Variants in HS2ST1 observed in about 807,000 individuals in gnomAD.
HS2ST1 encodes heparan sulfate 2-O-sulfotransferase 1.
HS2ST1 carries 18 observed loss-of-function variants against 42.9 expected under a neutral mutation model. The ratio of observed to expected loss-of-function variants is 0.42; its 90% CI spans 0.29 to 0.62. The LOEUF (loss-of-function observed/expected upper bound fraction) is 0.62. Ranked by LOEUF, HS2ST1 falls within the 20% of genes least tolerant of loss-of-function variation. The pLI, the probability that HS2ST1 is intolerant of heterozygous loss-of-function variation, is 0.21. For missense variants in HS2ST1, 334 were observed against 433.8 expected (o/e 0.77, Z 2.04); for synonymous variants, 146 against 152.9 (o/e 0.95, Z 0.33).
Position 87,017,678 on chromosome 1 carries a change from T to G in HS2ST1, c.125-55256T>G, listed in dbSNP as rs576921000. ...GTTATTTACATATTTGATGCTTTTTTATTTTTGATTTTTGATATATGTGTC... is the reference window on the plus strand; with the variant it reads ...GTTATTTACATATTTGATGCTTTTTGATTTTTGATTTTTGATATATGTGTC... On this transcript the variant is annotated intron_variant, in intron 1 of 6. Coordinates refer to ENST00000370550, the MANE Select transcript of HS2ST1 (RefSeq NM_012262.4). 1.1e-3 allele frequency among the ~76,000 whole-genome samples: 168 copies of G among 152,334 alleles called. 1 individual carries two copies. The highest frequency in any genetic ancestry group is 3.9e-3 in the African/African-American group (161 of 41,574).
intron 1 of HS2ST1, among the ~76,000 whole-genome samples, chr1:87,053,107 T>A (rs1570514973): frequency 6.6e-6 from 1 of 152,242 alleles, no homozygotes; most frequent in African/African-American, 2.4e-5. Flanking sequence ...AATTCTAATT[T>A]TCAACAGCTG....
At chr1:87,024,397 AG>A (rs1003435332) in intron 1 of HS2ST1, among the ~76,000 whole-genome samples, 1 of 151,460 alleles carries the variant, frequency 6.6e-6, no homozygotes, top group African/African-American at 2.4e-5. Flanking sequence ...GCTAATCAGG[AG>A]GCTGAGGCAG....
At chr1:87,045,841 C>T in intron 1 of HS2ST1, 2 of 739,648 alleles carry the variant, frequency 2.7e-6, no homozygotes, top group Non-Finnish European at 5.0e-6. Flanking sequence ...GCTCCATCCC[C>T]CTTTTCTGCT....
chr1:86,962,914 A>G (rs1647891950), intron 1 of HS2ST1, among the ~76,000 whole-genome samples: 1 of 152,132 alleles, frequency 6.6e-6, no homozygotes, highest in African/African-American at 2.4e-5. Flanking sequence ...AAAATAATTG[A>G]TTTCTTCAAT....
intron 1 of HS2ST1, among the ~76,000 whole-genome samples, chr1:87,069,983 CA>C (rs533142315): frequency 8.5e-5 from 13 of 152,072 alleles, no homozygotes; most frequent in Admixed American, 7.9e-4. Flanking sequence ...TGAAATAACA[CA>C]AAAAATCTTT....
chr1:86,973,273 C>A (rs1157998707), intron 1 of HS2ST1, among the ~76,000 whole-genome samples: 1 of 149,416 alleles, frequency 6.7e-6, no homozygotes, highest in Non-Finnish European at 1.5e-5. Flanking sequence ...ATTTATCATT[C>A]AAAATCAATC....
intron 1 of HS2ST1, among the ~76,000 whole-genome samples, chr1:87,032,146 T>A (rs1650254648): frequency 6.6e-6 from 1 of 152,214 alleles, no homozygotes; most frequent in Non-Finnish European, 1.5e-5. Flanking sequence ...TATCAGTTAA[T>A]CAGTAAACAC....
intron 1 of HS2ST1, among the ~76,000 whole-genome samples, chr1:87,036,008 T>G (rs1416243733): frequency 6.6e-6 from 1 of 151,218 alleles, no homozygotes; most frequent in African/African-American, 2.4e-5. Flanking sequence ...ATGTGTGATG[T>G]TCCCCTCCCT....
chr1:87,050,722 G>A (rs935855763), intron 1 of HS2ST1, among the ~76,000 whole-genome samples: 3 of 152,082 alleles, frequency 2.0e-5, no homozygotes, highest in African/African-American at 7.2e-5. Flanking sequence ...TTAAGGTAAT[G>A]TAACTTTCCA....
chr1:87,103,522 T>G lies in HS2ST1; in HGVS notation c.777T>G (p.Asp259Glu), dbSNP rs749508218. The change falls in exon 6 of 7, where the codon GAT becomes GAG. Residue 259 changes from aspartate to glutamate, a missense_variant. Transcript: ENST00000370550. ...FLVGVTEELE[D>E]FIMLLEAALP... ...TGGGAGTTACTGAAGAACTTGAAGA[T>G]TTTATCATGTTATTGGAGGCAGCAT... The G allele has an allele frequency of 8.7e-6, 14 of 1,612,580 alleles. No homozygotes were observed. The Middle Eastern group carries it at 4.9e-4, about 57-fold the overall frequency.
At chr1:87,052,384 G>A (rs1392571919) in intron 1 of HS2ST1, among the ~76,000 whole-genome samples, 4 of 152,014 alleles carry the variant, frequency 2.6e-5, no homozygotes, top group Admixed American at 2.0e-4. Context: ...TCATATATAC[G>A]TGAATGTTCC....
intron 1 of HS2ST1, among the ~76,000 whole-genome samples, chr1:86,997,209 G>A (rs1159362457): frequency 6.6e-6 from 1 of 152,166 alleles, no homozygotes; most frequent in African/African-American, 2.4e-5. Context: ...GGGGTTGGGG[G>A]TGAGAGGAGA....
intron 1 of HS2ST1, among the ~76,000 whole-genome samples, chr1:87,037,825 TC>T (rs1281257459): frequency 6.6e-6 from 1 of 152,022 alleles, no homozygotes; most frequent in East Asian, 1.9e-4. Context: ...TCTTGATACT[TC>T]CAGACGTAGT....
chr1:86,946,760 TAGCATTGCAGATGTGTACCA>T (rs1647353910), intron 1 of HS2ST1, among the ~76,000 whole-genome samples: 1 of 152,200 alleles, frequency 6.6e-6, no homozygotes, highest in South Asian at 2.1e-4. Flanking sequence ...TTAATGCACA[TAGCATTGCAGATGTGTACCA>T]TAAAGCTATC....
intron 1 of HS2ST1, among the ~76,000 whole-genome samples, chr1:86,987,295 C>T (rs982834097): frequency 2.6e-5 from 4 of 151,848 alleles, no homozygotes; most frequent in African/African-American, 4.8e-5. Context: ...AGGCTGGTCT[C>T]GAACTCCCGA....
At chr1:87,077,652 T>C (rs763770170) in intron 2 of HS2ST1, among the ~76,000 whole-genome samples, 4 of 152,224 alleles carry the variant, frequency 2.6e-5, no homozygotes, top group African/African-American at 9.6e-5. Context: ...TCTTTAAGGA[T>C]AGGAACCTTG....
intron 1 of HS2ST1, among the ~76,000 whole-genome samples, chr1:86,964,083 CG>C (rs1438512497): frequency 3.3e-5 from 5 of 149,498 alleles, no homozygotes; most frequent in Non-Finnish European, 7.4e-5. Context: ...CACGGGGTGG[CG>C]GGGCAGAGGC....
rs748101250 is a variant in HS2ST1 at position 87,097,836 on chromosome 1, A to G, written c.589-2A>G. The stretch of plus-strand genomic sequence containing the variant: ...ACCCGTGCTGCTTTGTCTTTGTTCT[A>G]GACCTTTGATGAATGTGTAGCAGAA... On this transcript the variant is annotated splice_acceptor_variant, in intron 4 of 6. Coordinates refer to ENST00000370550, the MANE Select transcript of HS2ST1 (RefSeq NM_012262.4). LOFTEE classifies it high-confidence loss of function. 2 of 1,613,860 alleles carry G rather than the reference A, an allele frequency of 1.2e-6. No homozygotes were observed. The highest frequency in any genetic ancestry group is 8.5e-7 in the Non-Finnish European group (1 of 1,179,934).
rs1451550073 is a variant in HS2ST1 at position 87,084,200 on chromosome 1, T to A, written c.370T>A (p.Phe124Ile). The change falls in exon 3 of 7, where the codon TTT (phenylalanine) becomes ATT (isoleucine). Residue 124 changes from phenylalanine to isoleucine, a missense_variant. Transcript: ENST00000370550. ...PVMSLQDQVR[F>I]VKNITSWKEM... ...ATGTGTTCTCCCTTTTTAGGTGCGCTTTGTAAAGAATATAACTTCCTGGAA... is the reference window on the plus strand; with the variant it reads ...ATGTGTTCTCCCTTTTTAGGTGCGCATTGTAAAGAATATAACTTCCTGGAA... The A allele has an allele frequency of 6.3e-7, 1 of 1,592,194 alleles. No homozygotes were observed. The highest frequency in any genetic ancestry group is 2.2e-5 in the East Asian group (1 of 44,476).
Sources: allele counts gnomAD v4.1 joint callset (sites outside exome capture counted in the v4.1 genomes callset), GRCh38; gene constraint gnomAD v4.1.1; transcripts MANE v1.5; gene names NCBI Gene and HGNC (gene_info 2026-07-23, HGNC 2026-07-21).